The following SBF1 variants were observed in gnomAD, a reference collection of about 807,000 sequenced individuals.
SBF1 encodes the protein myotubularin-related protein 5.
Under a neutral mutation model 215.8 loss-of-function variants are expected in SBF1, and 65 were observed. The ratio of observed to expected loss-of-function variants is 0.30; its 90% CI spans 0.25 to 0.37. The LOEUF (loss-of-function observed/expected upper bound fraction) is 0.37, where lower values mean the gene tolerates loss of function less well. Ranked by LOEUF, SBF1 falls within the 10% of genes least tolerant of loss-of-function variation. The pLI, the probability that SBF1 is intolerant of heterozygous loss-of-function variation, is 1.00. For synonymous variants in SBF1, 1,410 were observed against 1,122.8 expected, an observed-to-expected ratio of 1.26 and a Z score of -5.11; for missense variants, 2,634 against 2,667.8, an observed-to-expected ratio of 0.99 and a Z score of 0.28.
intron 1 of SBF1, among the ~76,000 whole-genome samples, chr22:50,470,704 A>G (rs1348000252): frequency 6.6e-6 from 1 of 152,206 alleles, no homozygotes; most frequent in Non-Finnish European, 1.5e-5. Context: ...GACGGACCAC[A>G]GGCTAATTAG....
chr22:50,447,419 C>T lies in SBF1; in HGVS notation c.5486G>A (p.Cys1829Tyr). The stretch of plus-strand genomic sequence containing the variant: ...CTCCGCCAAGTCGATGACACCCTTG[C>T]ACTCTGTGTCCACACGGTGGTCGTA... ...RYYDHRVDTECKGVIDLAEVE... is the reference protein window; with the variant it reads ...RYYDHRVDTEYKGVIDLAEVE... The change falls in exon 40 of 41, where the codon TGC becomes TAC. Residue 1829 changes from cysteine to tyrosine, a missense_variant. Cys to Tyr is a radical substitution (Grantham distance 194, BLOSUM62 -2). Transcript: ENST00000380817. The T allele has an allele frequency of 6.2e-7, 1 of 1,614,042 alleles. No individual in the cohort carries two copies. Among genetic ancestry groups the T allele is most frequent in the African/African-American group, 1.3e-5 (1 of 75,058 alleles).
chr22:50,470,182 T>C (rs2067947139), intron 1 of SBF1, among the ~76,000 whole-genome samples: 2 of 141,786 alleles, frequency 1.4e-5, no homozygotes, highest in South Asian at 2.5e-4. Flanking sequence ...CAAACCACCA[T>C]CTGGGCCCAG....
chr22:50,473,876 G>A (rs558505827), intron 1 of SBF1, among the ~76,000 whole-genome samples: 4 of 152,188 alleles, frequency 2.6e-5, no homozygotes, highest in Non-Finnish European at 5.9e-5. Flanking sequence ...CAGCTTATCC[G>A]CGCCTAACTT....
Position 50,447,372 on chromosome 22 carries a change from TG to T in SBF1, c.5532del (p.Thr1845ArgfsTer18), listed in dbSNP as rs780271412. Reference protein sequence around the residue: ...DLAEVEAVAPGTPTMGAPKTV... With the variant: ...DLAEVEAVAPXTPTMGAPKTV... ...GTCTTAGGGGCACCCATAGTGGGCGTGCCAGGTGCCACAGCCTCCACCTCCG... is the reference window on the plus strand; with the variant it reads ...GTCTTAGGGGCACCCATAGTGGGCGTCCAGGTGCCACAGCCTCCACCTCCG... On this transcript the variant is annotated frameshift_variant, in exon 40 of 41. Transcript: ENST00000380817. LOFTEE classifies it high-confidence loss of function. 6.2e-7 allele frequency: 1 copy of T among 1,613,866 alleles called. No homozygotes were observed. The highest frequency in any genetic ancestry group is 8.5e-7 in the Non-Finnish European group (1 of 1,179,880).
chr22:50,466,824 C>G, intron 5 of SBF1, 114 bp from the exon 6 acceptor site: 3 of 718,354 alleles, frequency 4.2e-6, no homozygotes, highest in Non-Finnish European at 6.8e-6. Context: ...CGAGGTGGGA[C>G]TGGCTGGGAT....
chr22:50,474,212 G>T (rs1194399201), intron 1 of SBF1, among the ~76,000 whole-genome samples: 1 of 152,200 alleles, frequency 6.6e-6, no homozygotes, highest in East Asian at 1.9e-4. Context: ...CTCTACTCTC[G>T]ACGCTTCCTC....
Position 50,461,154 on chromosome 22 carries a change from C to T in SBF1, c.2967+5G>A. The T allele has an allele frequency of 6.3e-7, 1 of 1,591,892 alleles. No homozygotes were observed. On this transcript the variant is annotated splice_donor_5th_base_variant and intron_variant, in intron 23 of 40. Transcript: ENST00000380817. ...TGAGAGCCCCACCCGCGCACCGCGC[C>T]CCACCTGGAATGTGCAGGAGCGCAG...
At chr22:50,449,302 G>A (rs766896389) in intron 36 of SBF1, among the ~76,000 whole-genome samples, 5 of 151,634 alleles carry the variant, frequency 3.3e-5, no homozygotes, top group Non-Finnish European at 5.9e-5. Flanking sequence ...ACAGGAGTTA[G>A]AACATACAGT....
rs1296365421 is a variant in SBF1 at position 50,467,611 on chromosome 22, G to A, written c.359C>T (p.Ala120Val). ...AAACAGCTGGGCAGATGGGGCAGGT[G>A]CTGTGGGAGACAGGTGGGTCTGGCC... ...EGGQTHLSPT[A>V]PAPSAQLFAP... The change falls in exon 4 of 41, where the codon GCA becomes GTA. Residue 120 changes from alanine to valine, a missense_variant. Transcript: ENST00000380817. The A allele has an allele frequency of 1.2e-6, 2 of 1,614,080 alleles. No individual in the cohort carries two copies. Among genetic ancestry groups the A allele is most frequent in the South Asian group, 2.2e-5 (2 of 91,076 alleles).
chr22:50,472,139 G>T (rs1221883645), intron 1 of SBF1, among the ~76,000 whole-genome samples: 3 of 152,168 alleles, frequency 2.0e-5, no homozygotes, highest in Non-Finnish European at 4.4e-5. Context: ...ACCAGGTGAG[G>T]GGCCTGCAGA....
chr22:50,472,136 G>A (rs923287488), intron 1 of SBF1, among the ~76,000 whole-genome samples: 2 of 152,192 alleles, frequency 1.3e-5, no homozygotes, highest in South Asian at 2.1e-4. Flanking sequence ...CTCACCAGGT[G>A]AGGGGCCTGC....
rs576960409 is a variant in SBF1 at position 50,452,130 on chromosome 22, ACTG to A, written c.5043+2379_5043+2381del. On this transcript the variant is annotated intron_variant, in intron 36 of 40. Transcript: ENST00000380817. ...GATCTTTTAAAGTGACATCAGTTTA[ACTG>A]CTGAATTAAAAAAAAAAAAAAAAAA... Among the ~76,000 whole-genome samples, 450 of 149,404 alleles carry A rather than the reference ACTG, an allele frequency of 3.0e-3. 1 individual carries two copies. The highest frequency in any genetic ancestry group is 5.4e-3 in the Non-Finnish European group (364 of 67,552).
At chr22:50,450,681 A>G (rs1170493862) in intron 36 of SBF1, among the ~76,000 whole-genome samples, 2 of 152,206 alleles carry the variant, frequency 1.3e-5, no homozygotes, top group Non-Finnish European at 2.9e-5. Context: ...GGGCTGCTCT[A>G]TCCCTGGAGC....
chr22:50,464,489 C>G (rs374290688), intron 14 of SBF1, 45 bp downstream of exon 14: 6 of 1,602,662 alleles, frequency 3.7e-6, no homozygotes, highest in Middle Eastern at 1.7e-4. Flanking sequence ...CCACGCCCAT[C>G]CTGGGCCACG....
rs1252986834 is a variant in SBF1 at position 50,464,708 on chromosome 22, T to C, written c.1462A>G (p.Lys488Glu). Residue 488 changes from lysine (K) to glutamate (E), a missense_variant, in exon 14 of 41, where the codon AAG becomes GAG. Transcript: ENST00000380817. ...CTGCTCTCACCGGGCCTCTGTACCT[T>C]GTGCATCGCCACGGCTGGGTACGGG... ...ENPYPAVAMH[K>E]VQRPGESSHL... 6 of 1,607,162 alleles carry C rather than the reference T, an allele frequency of 3.7e-6. No homozygotes were observed. The highest frequency in any genetic ancestry group is 5.1e-6 in the Non-Finnish European group (6 of 1,178,778).
At chr22:50,468,191 G>A (rs1371687642) in intron 2 of SBF1, among the ~76,000 whole-genome samples, 185 bp downstream of exon 2, 1 of 152,216 alleles carries the variant, frequency 6.6e-6, no homozygotes, top group Non-Finnish European at 1.5e-5. Context: ...ATGACACAGT[G>A]ACATGAGCAC....
chr22:50,463,288 G>A lies in SBF1; in HGVS notation c.1894C>T (p.Leu632=), dbSNP rs774624333. The A allele has an allele frequency of 1.9e-6, 3 of 1,613,540 alleles. No individual in the cohort carries two copies. The highest frequency in any genetic ancestry group is 2.5e-6 in the Non-Finnish European group (3 of 1,179,870). The change falls in exon 16 of 41, where the codon CTG becomes TTG. Residue 632 remains leucine (L), a synonymous_variant. Transcript: ENST00000380817. ...DFVVRMMNCC[L]QDCTSLDEHG... ...AGCAGGATAAGAGGCCTCACCTGCA[G>A]GCAGCAGTTCATCATACGGACGACA...
chr22:50,454,633 G>C lies in SBF1; in HGVS notation c.4922C>G (p.Pro1641Arg). The change falls in exon 36 of 41, where the codon CCT (proline) becomes CGT (arginine). Residue 1641 changes from proline (P) to arginine (R), a missense_variant. Coordinates refer to ENST00000380817, the MANE Select transcript of SBF1 (RefSeq NM_002972.4). ...AGACCGTTCTTCCTCTGGGGGTTCA[G>C]GGGGCCCCTGGGCCAGTTCCCAGTC... ...PYDWELAQGP[P>R]EPPEEERSDG... The C allele has an allele frequency of 6.3e-7, 1 of 1,599,166 alleles. No individual in the cohort carries two copies. Among genetic ancestry groups the C allele is most frequent in the Non-Finnish European group, 8.5e-7 (1 of 1,172,472 alleles).
chr22:50,445,916 CCCACCTGAGAGGA>C lies in SBF1; in HGVS notation c.*1213_*1225del, dbSNP rs144172314. On this transcript the variant is annotated 3_prime_UTR_variant, in exon 41 of 41. Coordinates refer to ENST00000380817, the MANE Select transcript of SBF1 (RefSeq NM_002972.4). ...CCTCACCCACACCTGCTGCTCGCCT[CCCACCTGAGAGGA>C]CCACCTGAGGGACCCAGCCTCTAGC... The C allele has an allele frequency of 0.14, 21,528 of 153,860 alleles. 1,648 individuals are homozygous for C. The highest frequency in any genetic ancestry group is 0.33 in the East Asian group (1,697 of 5,218). The allele number at this position is 153,860 out of a possible 1,614,324, so 9.5% of individuals were successfully genotyped here.
Sources: allele counts gnomAD v4.1 joint callset (sites outside exome capture counted in the v4.1 genomes callset), GRCh38; gene constraint gnomAD v4.1.1; transcripts MANE v1.5; gene names NCBI Gene and HGNC (gene_info 2026-07-23, HGNC 2026-07-21).